FAR1: variants seen among roughly 807,000 people sequenced by gnomAD.
FAR1 encodes fatty acyl-CoA reductase 1.
FAR1 carries 22 observed loss-of-function variants against 61.1 expected under a neutral mutation model. The observed-to-expected ratio is 0.36, with a 90% CI of 0.26 to 0.51. The LOEUF (loss-of-function observed/expected upper bound fraction) is 0.51. Ranked by LOEUF, FAR1 falls within the 20% of genes least tolerant of loss-of-function variation. FAR1 has a pLI of 0.95. For synonymous variants in FAR1, 206 were observed against 209.7 expected, an observed-to-expected ratio of 0.98 and a Z score of 0.15; for missense variants, 359 against 626.9, an observed-to-expected ratio of 0.57 and a Z score of 4.56.
At chr11:13,693,718 G>T (rs1347353577) in intron 1 of FAR1, among the ~76,000 whole-genome samples, 1 of 151,994 alleles carries the variant, frequency 6.6e-6, no homozygotes, top group Non-Finnish European at 1.5e-5. Flanking sequence ...TTTTGCTTGG[G>T]TTGCTGTTTC....
chr11:13,722,031 T>A (rs142646743), intron 10 of FAR1, among the ~76,000 whole-genome samples, 172 bp downstream of exon 10: 1 of 152,296 alleles, frequency 6.6e-6, no homozygotes, highest in Non-Finnish European at 1.5e-5. Context: ...AATTGCTGTA[T>A]CTTAACATTT....
At chr11:13,678,871 G>T (rs139612913) in intron 1 of FAR1, among the ~76,000 whole-genome samples, 1 of 152,080 alleles carries the variant, frequency 6.6e-6, no homozygotes, top group South Asian at 2.1e-4. Flanking sequence ...TTAGGTTCAG[G>T]CTTGAGAACA....
intron 9 of FAR1, chr11:13,719,894 AT>A (rs887848176): frequency 1.3e-5 from 2 of 152,128 alleles, no homozygotes; most frequent in East Asian, 1.9e-4. Flanking sequence ...GATTGTGATT[AT>A]TTTTTTAAGT....
At chr11:13,683,579 C>T (rs1454119579) in intron 1 of FAR1, among the ~76,000 whole-genome samples, 4 of 151,998 alleles carry the variant, frequency 2.6e-5, no homozygotes, top group Middle Eastern at 3.4e-3. Flanking sequence ...TGGGGTCTAG[C>T]GATGTTGCCC....
intron 2 of FAR1, among the ~76,000 whole-genome samples, chr11:13,695,863 T>C (rs962222876): frequency 2.6e-5 from 4 of 152,206 alleles, no homozygotes; most frequent in Non-Finnish European, 5.9e-5. Context: ...GCAACAGATA[T>C]TCCTCATTAT....
intron 1 of FAR1, among the ~76,000 whole-genome samples, chr11:13,688,388 A>C (rs1040414422): frequency 2.0e-5 from 3 of 152,166 alleles, no homozygotes; most frequent in Admixed American, 6.5e-5. Flanking sequence ...AATTAAGCCT[A>C]ACAGAATATT....
intron 2 of FAR1, among the ~76,000 whole-genome samples, chr11:13,698,572 T>A (rs756720208): frequency 2.0e-5 from 3 of 152,170 alleles, no homozygotes; most frequent in African/African-American, 2.4e-5. Flanking sequence ...GGCTCACGCC[T>A]ATAATCCCAG....
At position 13,729,991 on chromosome 11, in the gene FAR1, C is replaced by T. The variant is rs1315050626; in HGVS notation, c.*1217C>T. The T allele has an allele frequency of 6.6e-6, 1 of 152,294 alleles. No individual in the cohort carries two copies. The highest frequency in any genetic ancestry group is 2.4e-5 in the African/African-American group (1 of 41,410). 9.4% of individuals were successfully genotyped at this position (152,294 alleles called of 1,614,324 possible). A position where few individuals can be genotyped will look rare whatever the true frequency, so the allele number is the denominator to read the frequency against. On this transcript the variant is annotated 3_prime_UTR_variant, in exon 12 of 12. Coordinates refer to ENST00000354817, the MANE Select transcript of FAR1 (RefSeq NM_032228.6). ...TTTAGAAAGAAATGCGTTATAGAAA[C>T]AAGTAATAGCAAGAAAATTGATGTA...
chr11:13,700,906 G>T (rs562085596), intron 3 of FAR1, among the ~76,000 whole-genome samples: 15 of 152,042 alleles, frequency 9.9e-5, no homozygotes, highest in South Asian at 2.1e-4. Flanking sequence ...GGAAAAATTG[G>T]TTATAAATTT....
chr11:13,720,603 G>T (rs1275998667), intron 9 of FAR1: 1 of 151,880 alleles, frequency 6.6e-6, no homozygotes, highest in Non-Finnish European at 1.5e-5. Flanking sequence ...ATTTCTAAAT[G>T]TATTGAATTG....
chr11:13,728,896 G>A lies in FAR1; in HGVS notation c.*122G>A. On this transcript the variant is annotated 3_prime_UTR_variant, in exon 12 of 12. Coordinates refer to ENST00000354817, the MANE Select transcript of FAR1 (RefSeq NM_032228.6). ...AAACCATCTTAGATCGGAGTGTGAA[G>A]TAAATTATGGTATATTTTATGTAAC... is the stretch of plus-strand genomic sequence containing the variant. 5 of 830,270 alleles carry A rather than the reference G, an allele frequency of 6.0e-6. No individual in the cohort carries two copies. Among genetic ancestry groups the A allele is most frequent in the Non-Finnish European group, 9.3e-6 (5 of 534,998 alleles). The allele number at this position is 830,270 out of a possible 1,614,324, so 51.4% of individuals were successfully genotyped here.
intron 2 of FAR1, among the ~76,000 whole-genome samples, chr11:13,698,455 C>T (rs1047436129): frequency 1.4e-4 from 21 of 152,112 alleles, no homozygotes; most frequent in Admixed American, 1.2e-3. Context: ...ATATGGGCAA[C>T]GACAAGAGTG....
chr11:13,700,275 G>A (rs746235708), intron 2 of FAR1, 42 bp from the exon 3 acceptor site: 10 of 1,464,418 alleles, frequency 6.8e-6, no homozygotes, highest in Non-Finnish European at 9.2e-6. Flanking sequence ...TTAGAAAGTG[G>A]AAAAATACTG....
chr11:13,716,639 T>C (rs879102123), intron 9 of FAR1, among the ~76,000 whole-genome samples: 2 of 152,172 alleles, frequency 1.3e-5, no homozygotes, highest in Admixed American at 1.3e-4. Context: ...GGAAGTCTTT[T>C]AGCAAGTAAG....
rs71482914 is a variant in FAR1 at position 13,677,037 on chromosome 11, C to T, written c.-8+8231C>T. 6.2e-3 allele frequency among the ~76,000 whole-genome samples: 948 copies of T among 152,220 alleles called. 7 individuals are homozygous for T. The highest frequency in any genetic ancestry group is 0.01 in the Non-Finnish European group (682 of 67,998). On this transcript the variant is annotated intron_variant, in intron 1 of 11. Coordinates refer to ENST00000354817, the MANE Select transcript of FAR1 (RefSeq NM_032228.6). ...ATCCCAACAGCGTTGTTTCTCATTA[C>T]CTGATTTTTGGTAAGTCTATTGTGC...
At chr11:13,706,487 G>A (rs544484776) in intron 3 of FAR1, among the ~76,000 whole-genome samples, 7 of 149,828 alleles carry the variant, frequency 4.7e-5, no homozygotes, top group South Asian at 4.2e-4. Context: ...AAATCTTTTC[G>A]TTTGTTTGTT....
intron 9 of FAR1, chr11:13,720,735 A>C (rs770933735): frequency 6.6e-6 from 1 of 152,082 alleles, no homozygotes; most frequent in Non-Finnish European, 1.5e-5. Flanking sequence ...TCTAAACTAC[A>C]TGATACATAT....
chr11:13,714,228 A>C (rs1038334082), intron 8 of FAR1, among the ~76,000 whole-genome samples: 34 of 152,134 alleles, frequency 2.2e-4, no homozygotes, highest in African/African-American at 8.2e-4. Context: ...TGACACTGTA[A>C]ACTGACATAG....
intron 1 of FAR1, among the ~76,000 whole-genome samples, chr11:13,676,747 C>T (rs1463537949): frequency 1.3e-5 from 2 of 152,088 alleles, no homozygotes; most frequent in African/African-American, 4.8e-5. Flanking sequence ...ACATTTGACC[C>T]CACAGAGCTG....
Sources: allele counts gnomAD v4.1 joint callset (sites outside exome capture counted in the v4.1 genomes callset), GRCh38; gene constraint gnomAD v4.1.1; transcripts MANE v1.5; gene names NCBI Gene and HGNC (gene_info 2026-07-23, HGNC 2026-07-21).